CHAT: variants seen among roughly 807,000 people sequenced by gnomAD.
CHAT encodes choline O-acetyltransferase, also known as acetyl CoA:choline O-acetyltransferase.
In CHAT, 61 loss-of-function variants were observed where a neutral mutation model predicts 76.9. The ratio of observed to expected loss-of-function variants is 0.79; its 90% CI spans 0.65 to 0.98. CHAT has a LOEUF of 0.98. Among genes scored for constraint, CHAT ranks in the 50% least tolerant of loss-of-function variants. CHAT has a pLI of 0.00. For synonymous variants in CHAT, 407 were observed against 397.4 expected (o/e 1.02, Z -0.29); for missense variants, 946 against 986.9 (o/e 0.96, Z 0.56).
chr10:49,609,741 T>C (rs1838239280), upstream of CHAT, among the ~76,000 whole-genome samples: 1 of 150,216 alleles, frequency 6.7e-6, no homozygotes, highest in Admixed American at 6.6e-5. Flanking sequence ...GGAGTGTGTG[T>C]GCAAGGGGCC....
chr10:49,639,335 A>G (rs770287347), intron 7 of CHAT, among the ~76,000 whole-genome samples: 1 of 152,080 alleles, frequency 6.6e-6, no homozygotes, highest in Admixed American at 6.6e-5. Context: ...TTTTCCTCAT[A>G]TGAAAATGTT....
chr10:49,619,581 T>C, intron 2 of CHAT, 144 bp from the exon 3 acceptor site: 1 of 766,784 alleles, frequency 1.3e-6, no homozygotes, highest in East Asian at 2.7e-5. Flanking sequence ...TTCATAATTT[T>C]GCTGAGCTGA....
chr10:49,628,572 T>C (rs61252206), intron 7 of CHAT, among the ~76,000 whole-genome samples: 3,535 of 152,194 alleles, frequency 0.023, 133 homozygotes, highest in African/African-American at 0.081. Flanking sequence ...AGCAGCCCCA[T>C]GATGGGAACA....
Position 49,614,153 on chromosome 10 carries a change from G to C in CHAT, c.-37G>C. The stretch of plus-strand genomic sequence containing the variant: ...GCGCTCCGGGTAGATTCTGGGGGCC[G>C]GGAGCTGAGATCCCTGGGCGGGGAG... On this transcript the variant is annotated 5_prime_UTR_variant, in exon 1 of 15. Coordinates refer to ENST00000337653, the MANE Select transcript of CHAT (RefSeq NM_020549.5). 1.9e-6 allele frequency: 3 copies of C among 1,546,080 alleles called. No homozygotes were observed. Among genetic ancestry groups the C allele is most frequent in the Non-Finnish European group, 2.6e-6 (3 of 1,146,348 alleles).
intron 7 of CHAT, among the ~76,000 whole-genome samples, chr10:49,636,002 T>C (rs1839282186): frequency 6.6e-6 from 1 of 152,188 alleles, no homozygotes. Flanking sequence ...TTTTATGAAA[T>C]GATTATGTAT....
Position 49,627,615 on chromosome 10 carries a change from T to C in CHAT, c.941T>C (p.Val314Ala). The C allele has an allele frequency of 6.2e-7, 1 of 1,614,136 alleles. No homozygotes were observed. The highest frequency in any genetic ancestry group is 8.5e-7 in the Non-Finnish European group (1 of 1,179,954). Residue 314 changes from valine to alanine, a missense_variant, in exon 7 of 15, where the codon GTC becomes GCC. Coordinates refer to ENST00000337653, the MANE Select transcript of CHAT (RefSeq NM_020549.5). Reference protein sequence around the residue: ...VIVACCNQFFVLDVVINFRRL... With the variant: ...VIVACCNQFFALDVVINFRRL... ...GACCTGTTTACCCCACAGTTCTTTG[T>C]CTTGGATGTTGTCATTAATTTCCGC...
Position 49,651,925 on chromosome 10 carries a change from A to G in CHAT, c.1553A>G (p.Asn518Ser). The G allele has an allele frequency of 6.2e-7, 1 of 1,614,162 alleles. No individual in the cohort carries two copies. Among genetic ancestry groups the G allele is most frequent in the South Asian group, 1.1e-5 (1 of 91,074 alleles). The change falls in exon 11 of 15, where the codon AAC (asparagine) becomes AGC (serine). Residue 518 changes from asparagine to serine, a missense_variant. Physicochemically the swap from Asn to Ser is conservative, Grantham distance 46. Coordinates refer to ENST00000337653, the MANE Select transcript of CHAT (RefSeq NM_020549.5). ...GACTTCATTGTCTATAAGTTTGACAACTATGGGAAAACATTCATTAAGAAG... is the reference window on the plus strand; with the variant it reads ...GACTTCATTGTCTATAAGTTTGACAGCTATGGGAAAACATTCATTAAGAAG... ...NLDFIVYKFD[N>S]YGKTFIKKQK...
At chr10:49,659,185 T>A (rs1840117604) in intron 13 of CHAT, among the ~76,000 whole-genome samples, 1 of 152,210 alleles carries the variant, frequency 6.6e-6, no homozygotes, top group African/African-American at 2.4e-5. Flanking sequence ...AAGAGTAGTG[T>A]CTTCAAATTC....
chr10:49,652,863 C>G (rs1330650401), intron 11 of CHAT, among the ~76,000 whole-genome samples: 1 of 152,034 alleles, frequency 6.6e-6, no homozygotes, highest in African/African-American at 2.4e-5. Flanking sequence ...TCAGGGTCAC[C>G]ACCCTCCACA....
At position 49,645,144 on chromosome 10, in the gene CHAT, T is replaced by C. The variant is rs10400097; in HGVS notation, c.1112-1361T>C. On this transcript the variant is annotated intron_variant, in intron 7 of 14. Coordinates refer to ENST00000337653, the MANE Select transcript of CHAT (RefSeq NM_020549.5). Reference sequence around the variant, plus strand: ...AAGTATAGCTCTAGTTTGTTATCCATGTACCAAGCTAAAAACCAGGGGTTC... The same window carrying C: ...AAGTATAGCTCTAGTTTGTTATCCACGTACCAAGCTAAAAACCAGGGGTTC... Among the ~76,000 whole-genome samples the C allele has an allele frequency of 2.8e-4, 42 of 152,256 alleles. 1 individual carries two copies. In the South Asian group the frequency reaches 8.5e-3, roughly 31 times the overall value.
chr10:49,649,704 C>T (rs1374971840), intron 10 of CHAT, 68 bp downstream of exon 10: 1 of 1,578,458 alleles, frequency 6.3e-7, no homozygotes, highest in Non-Finnish European at 8.7e-7. Context: ...TACTAGCTCC[C>T]AAGGCTCCCT....
chr10:49,653,043 T>C (rs1191935415), intron 11 of CHAT, among the ~76,000 whole-genome samples: 5 of 152,104 alleles, frequency 3.3e-5, no homozygotes, highest in Non-Finnish European at 7.3e-5. Context: ...TTTGCAGGTT[T>C]GCTGGCTTTG....
intron 5 of CHAT, among the ~76,000 whole-genome samples, chr10:49,623,699 C>A (rs1322782894): frequency 1.3e-5 from 2 of 152,198 alleles, no homozygotes; most frequent in Non-Finnish European, 2.9e-5. Flanking sequence ...TTCCCCAACT[C>A]CTCCCATACC....
intron 13 of CHAT, among the ~76,000 whole-genome samples, chr10:49,658,142 G>A (rs1325735690): frequency 6.6e-6 from 1 of 152,188 alleles, no homozygotes. Context: ...AGCAATTTGG[G>A]AGGCCAAGGC....
chr10:49,649,391 C>G, intron 9 of CHAT, 117 bp from the exon 10 acceptor site: 1 of 1,489,228 alleles, frequency 6.7e-7, no homozygotes, highest in Non-Finnish European at 9.3e-7. Flanking sequence ...GCTCGTACCC[C>G]CTGAAACTCC....
chr10:49,618,081 G>C (rs1027711105), intron 2 of CHAT, among the ~76,000 whole-genome samples: 1 of 152,204 alleles, frequency 6.6e-6, no homozygotes, highest in Non-Finnish European at 1.5e-5. Context: ...CTGAAGGAAG[G>C]TGCCTCACTG....
chr10:49,629,777 G>T (rs908458165), intron 7 of CHAT, among the ~76,000 whole-genome samples: 3 of 152,024 alleles, frequency 2.0e-5, no homozygotes, highest in African/African-American at 7.3e-5. Flanking sequence ...AGCGCCAACT[G>T]TGTCATCTAC....
At chr10:49,651,737 C>T (rs1412039668) in intron 10 of CHAT, 147 bp from the exon 11 acceptor site, 2 of 746,754 alleles carry the variant, frequency 2.7e-6, no homozygotes, top group Admixed American at 4.7e-5. Context: ...GTCTCTGACA[C>T]CTCAGTGCAC....
intron 4 of CHAT, among the ~76,000 whole-genome samples, chr10:49,621,113 T>C (rs1245142832): frequency 1.3e-5 from 2 of 152,234 alleles, no homozygotes; most frequent in Non-Finnish European, 2.9e-5. Flanking sequence ...TGGAAGGGCC[T>C]CTGGCCGCTA....
Sources: gnomAD v4.1 joint callset for allele counts (sites outside exome capture counted in the v4.1 genomes callset) on GRCh38, gnomAD v4.1.1 for gene constraint, MANE v1.5 for transcripts, NCBI Gene and HGNC (gene_info 2026-07-23, HGNC 2026-07-21) for gene names.